The following HS2ST1 variants were observed in gnomAD, a reference collection of about 807,000 sequenced individuals.
The protein encoded by HS2ST1 is heparan sulfate 2-O-sulfotransferase 1.
A neutral mutation model predicts 42.9 loss-of-function variants in HS2ST1; 18 were observed. The ratio of observed to expected loss-of-function variants is 0.42; its 90% confidence interval spans 0.29 to 0.62. The LOEUF (loss-of-function observed/expected upper bound fraction) is 0.62. HS2ST1 is among the 20% of genes least tolerant of loss of function. HS2ST1 has a pLI of 0.21. For missense variants in HS2ST1, 334 were observed against 433.8 expected, an observed-to-expected ratio of 0.77 and a Z score of 2.04; for synonymous variants, 146 against 152.9, an observed-to-expected ratio of 0.95 and a Z score of 0.33.
chr1:87,050,399 G>A (rs1227530498), intron 1 of HS2ST1, among the ~76,000 whole-genome samples: 2 of 151,148 alleles, frequency 1.3e-5, no homozygotes, highest in Non-Finnish European at 3.0e-5. Context: ...ATTATTTCTA[G>A]GTTATCTTAG....
chr1:87,043,752 C>G (rs1287549939), intron 1 of HS2ST1, among the ~76,000 whole-genome samples: 1 of 151,956 alleles, frequency 6.6e-6, no homozygotes, highest in Non-Finnish European at 1.5e-5. Flanking sequence ...ATATATCAAG[C>G]CTTTCCATAT....
intron 3 of HS2ST1, among the ~76,000 whole-genome samples, chr1:87,089,891 T>C (rs986373365): frequency 2.6e-5 from 4 of 152,016 alleles, no homozygotes; most frequent in Non-Finnish European, 5.9e-5. Flanking sequence ...CTGCTCCACA[T>C]GTCAGGGACT....
At chr1:87,071,952 A>G (rs954700947) in intron 1 of HS2ST1, among the ~76,000 whole-genome samples, 69 of 152,052 alleles carry the variant, frequency 4.5e-4, no homozygotes, top group Non-Finnish European at 5.3e-4. Flanking sequence ...CACGCTCCTC[A>G]TTTCCTTCTT....
intron 1 of HS2ST1, among the ~76,000 whole-genome samples, chr1:87,004,409 T>C (rs898372667): frequency 6.6e-6 from 1 of 152,056 alleles, no homozygotes; most frequent in Non-Finnish European, 1.5e-5. Flanking sequence ...TGAACAAATA[T>C]ATATATAAGC....
chr1:86,985,463 T>C lies in HS2ST1; in HGVS notation c.124+70303T>C, dbSNP rs979948139. ...ATATACACATATATACACACATATA[T>C]ACACATATATACACATATATACACA... is the stretch of plus-strand genomic sequence containing the variant. On this transcript the variant is annotated intron_variant, in intron 1 of 6. Transcript: ENST00000370550. Among the ~76,000 whole-genome samples the C allele has an allele frequency of 6.5e-3, 587 of 90,618 alleles. 195 individuals are homozygous for C. The highest frequency in any genetic ancestry group is 0.015 in the Admixed American group (107 of 6,994). 59.4% of individuals were successfully genotyped at this position (90,618 alleles called of 152,430 possible).
chr1:87,028,848 A>G (rs1267348978), intron 1 of HS2ST1, among the ~76,000 whole-genome samples: 2 of 152,214 alleles, frequency 1.3e-5, no homozygotes. Flanking sequence ...TGTACTAAAA[A>G]TAAGTTTCTT....
At chr1:87,087,634 T>C (rs1298951224) in intron 3 of HS2ST1, among the ~76,000 whole-genome samples, 1 of 152,118 alleles carries the variant, frequency 6.6e-6, no homozygotes, top group Non-Finnish European at 1.5e-5. Flanking sequence ...TTAGTTAATA[T>C]ATAGAGTCAT....
intron 4 of HS2ST1, among the ~76,000 whole-genome samples, chr1:87,097,404 GT>G (rs201582056): frequency 6.6e-6 from 1 of 151,804 alleles, no homozygotes. Context: ...TTTTGTTTTT[GT>G]TTTTTTTGAG....
At chr1:87,014,876 T>TTGTCTTCCTAAC (rs1371984860) in intron 1 of HS2ST1, among the ~76,000 whole-genome samples, 2 of 152,228 alleles carry the variant, frequency 1.3e-5, no homozygotes, top group African/African-American at 4.8e-5. Flanking sequence ...TTAAAAACTA[T>TTGTCTTCCTAAC]TGTCTTCCTA....
intron 1 of HS2ST1, among the ~76,000 whole-genome samples, chr1:86,923,058 T>A (rs1329292662): frequency 6.6e-6 from 1 of 152,206 alleles, no homozygotes; most frequent in Non-Finnish European, 1.5e-5. Context: ...TAGTTTTTAC[T>A]GCTAGGTCTT....
At chr1:86,990,019 A>G (rs896796244) in intron 1 of HS2ST1, among the ~76,000 whole-genome samples, 3 of 152,032 alleles carry the variant, frequency 2.0e-5, no homozygotes, top group African/African-American at 7.3e-5. Context: ...ACAGTGCCGC[A>G]GTAAACATGT....
At chr1:87,075,667 T>C (rs913767818) in intron 2 of HS2ST1, among the ~76,000 whole-genome samples, 1 of 152,156 alleles carries the variant, frequency 6.6e-6, no homozygotes, top group East Asian at 1.9e-4. Context: ...CTTAGTTCAG[T>C]CTGCTTGATA....
chr1:86,948,191 T>C (rs1366475342), intron 1 of HS2ST1, among the ~76,000 whole-genome samples: 2 of 152,182 alleles, frequency 1.3e-5, no homozygotes, highest in Non-Finnish European at 2.9e-5. Context: ...CATCTCACTA[T>C]ATATCTTTTA....
chr1:87,106,901 G>C lies in HS2ST1; in HGVS notation c.*2205G>C, dbSNP rs1652335088. The C allele has an allele frequency of 1.3e-5, 2 of 152,048 alleles. No homozygotes were observed. Among genetic ancestry groups the C allele is most frequent in the Non-Finnish European group, 2.9e-5 (2 of 67,952 alleles). The allele number at this position is 152,048 out of a possible 1,614,324, so 9.4% of individuals were successfully genotyped here. A position where few individuals can be genotyped will look rare whatever the true frequency, so the allele number is the denominator to read the frequency against. The stretch of plus-strand genomic sequence containing the variant: ...TTAGGTAACTAGAGCAGTACTTGGT[G>C]AACTAGATCAGGAGGTCAGTAAACT... On this transcript the variant is annotated 3_prime_UTR_variant, in exon 7 of 7. Coordinates refer to ENST00000370550, the MANE Select transcript of HS2ST1 (RefSeq NM_012262.4).
chr1:87,014,422 A>G (rs1649690855), intron 1 of HS2ST1, among the ~76,000 whole-genome samples: 1 of 152,102 alleles, frequency 6.6e-6, no homozygotes, highest in African/African-American at 2.4e-5. Flanking sequence ...TGATTCAGTT[A>G]CCTCCCACTG....
intron 1 of HS2ST1, among the ~76,000 whole-genome samples, chr1:86,917,071 T>C (rs938362662): frequency 1.5e-4 from 23 of 152,154 alleles, no homozygotes; most frequent in African/African-American, 4.6e-4. Flanking sequence ...GTAGTAAATA[T>C]GCATCAAAAT....
At chr1:87,012,514 G>A (rs954762790) in intron 1 of HS2ST1, among the ~76,000 whole-genome samples, 1 of 152,132 alleles carries the variant, frequency 6.6e-6, no homozygotes, top group Non-Finnish European at 1.5e-5. Flanking sequence ...CTCCCACTGT[G>A]TCCCTTTCAC....
At chr1:86,928,923 C>T (rs2102162095) in intron 1 of HS2ST1, among the ~76,000 whole-genome samples, 1 of 151,922 alleles carries the variant, frequency 6.6e-6, no homozygotes, top group Admixed American at 6.6e-5. Flanking sequence ...TCAGGTTTGT[C>T]TTATAGATAA....
At chr1:87,069,237 T>G (rs1252042117) in intron 1 of HS2ST1, among the ~76,000 whole-genome samples, 1 of 152,220 alleles carries the variant, frequency 6.6e-6, no homozygotes, top group Non-Finnish European at 1.5e-5. Context: ...TTCAAATCCA[T>G]GTTGTTCAAG....
Sources: gnomAD v4.1 joint callset for allele counts (sites outside exome capture counted in the v4.1 genomes callset) on GRCh38, gnomAD v4.1.1 for gene constraint, MANE v1.5 for transcripts, NCBI Gene and HGNC (gene_info 2026-07-23, HGNC 2026-07-21) for gene names.